Variants in SETD3 observed in about 807,000 individuals in gnomAD.
SETD3 encodes SET domain containing 3, actin N3(tau)-histidine methyltransferase.
Under a neutral mutation model 63.0 loss-of-function variants are expected in SETD3, and 19 were observed. The observed-to-expected ratio is 0.30, with a 90% CI of 0.21 to 0.44. The LOEUF is 0.44. Ranked by LOEUF, SETD3 falls within the 20% of genes least tolerant of loss-of-function variation. SETD3 has a pLI of 1.00. For synonymous variants in SETD3, 286 were observed against 264.1 expected (o/e 1.08, Z -0.80); for missense variants, 587 against 728.5 (o/e 0.81, Z 2.24).
chr14:99,436,658 T>C (rs1021449310), intron 6 of SETD3, among the ~76,000 whole-genome samples: 28 of 152,166 alleles, frequency 1.8e-4, no homozygotes, highest in African/African-American at 5.5e-4. Context: ...GTTCTTATGG[T>C]GCTTTTAATT....
chr14:99,466,663 G>A (rs1895401165), intron 1 of SETD3, among the ~76,000 whole-genome samples: 1 of 151,944 alleles, frequency 6.6e-6, no homozygotes, highest in African/African-American at 2.4e-5. Context: ...GACTAGAAGC[G>A]TGAGGGAAGC....
At position 99,398,598 on chromosome 14, in the gene SETD3, T is replaced by C; in HGVS notation, c.*81A>G. The C allele has an allele frequency of 7.6e-7, 1 of 1,320,072 alleles. No individual in the cohort carries two copies. Among genetic ancestry groups the C allele is most frequent in the Non-Finnish European group, 1.0e-6 (1 of 956,074 alleles). 81.8% of individuals were successfully genotyped at this position (1,320,072 alleles called of 1,614,324 possible). ...CTTCCTCTCTGCAGAAAGAAAAATGTTAACAAGGAAACACAGCGATGTGAA... is the reference window on the plus strand; with the variant it reads ...CTTCCTCTCTGCAGAAAGAAAAATGCTAACAAGGAAACACAGCGATGTGAA... On this transcript the variant is annotated 3_prime_UTR_variant, in exon 13 of 13. Coordinates refer to ENST00000331768, the MANE Select transcript of SETD3 (RefSeq NM_032233.3).
chr14:99,466,606 T>G (rs1167823470), intron 1 of SETD3, among the ~76,000 whole-genome samples: 1 of 59,844 alleles, frequency 1.7e-5, no homozygotes, highest in Non-Finnish European at 3.2e-5. Flanking sequence ...GACATGGATG[T>G]GTGAAGAATG....
chr14:99,442,382 G>T (rs537581249), intron 6 of SETD3, among the ~76,000 whole-genome samples: 13 of 152,202 alleles, frequency 8.5e-5, no homozygotes, highest in Non-Finnish European at 1.6e-4. Context: ...ATGAAGGAAA[G>T]TCCTTGTCCT....
chr14:99,458,238 AC>A, intron 6 of SETD3, 40 bp downstream of exon 6: 1 of 1,579,350 alleles, frequency 6.3e-7, no homozygotes, highest in Non-Finnish European at 8.6e-7. Context: ...TTTCCTCCCC[AC>A]TCTGTGAAAT....
At chr14:99,473,115 C>A (rs1895791536) in intron 1 of SETD3, among the ~76,000 whole-genome samples, 1 of 152,188 alleles carries the variant, frequency 6.6e-6, no homozygotes, top group African/African-American at 2.4e-5. Context: ...CTTTAGAAGA[C>A]AGAGAAATGA....
intron 8 of SETD3, 88 bp from the exon 9 acceptor site, chr14:99,406,678 GA>G: frequency 1.5e-6 from 2 of 1,303,636 alleles, no homozygotes; most frequent in Non-Finnish European, 2.2e-6. Flanking sequence ...GCAATCAGAG[GA>G]AAAAGGGGAT....
intron 11 of SETD3, among the ~76,000 whole-genome samples, chr14:99,401,138 CAAA>C (rs34590578): frequency 6.6e-5 from 6 of 90,676 alleles, no homozygotes; most frequent in Non-Finnish European, 9.7e-5. Context: ...GACCCTGTCT[CAAA>C]AAAAAAAAAA....
chr14:99,437,924 C>G (rs1893580952), intron 6 of SETD3, among the ~76,000 whole-genome samples: 2 of 152,290 alleles, frequency 1.3e-5, no homozygotes, highest in South Asian at 4.1e-4. Flanking sequence ...CTCAGGTCAG[C>G]CCACATGCCC....
rs374311109 is a variant in SETD3, at chr14:99,435,170, A to G, written c.676-21236T>C. The stretch of plus-strand genomic sequence containing the variant: ...GCCATGCATATTGTCATGTTTATTC[A>G]TAGACTATGAATAAACCTTATTTTA... On this transcript the variant is annotated intron_variant, in intron 6 of 12. Coordinates refer to ENST00000331768, the MANE Select transcript of SETD3 (RefSeq NM_032233.3). Among the ~76,000 whole-genome samples the G allele has an allele frequency of 5.3e-5, 8 of 152,280 alleles. No individual in the cohort carries two copies. The South Asian group carries it at 8.3e-4, about 16-fold the overall frequency.
chr14:99,461,833 G>A (rs1057230227), intron 3 of SETD3, among the ~76,000 whole-genome samples: 3 of 152,240 alleles, frequency 2.0e-5, no homozygotes, highest in Non-Finnish European at 4.4e-5. Context: ...AGAGCTGTAA[G>A]CCAGAAGGCT....
intron 10 of SETD3, among the ~76,000 whole-genome samples, 181 bp downstream of exon 10, chr14:99,405,024 T>C (rs1213147593): frequency 2.6e-5 from 4 of 152,242 alleles, no homozygotes; most frequent in Non-Finnish European, 5.9e-5. Context: ...CAATTATGTT[T>C]ACCTGAAAAC....
intron 6 of SETD3, among the ~76,000 whole-genome samples, chr14:99,424,931 G>T (rs1892797856): frequency 1.3e-5 from 2 of 152,072 alleles, no homozygotes; most frequent in African/African-American, 4.8e-5. Flanking sequence ...TGCACTAACT[G>T]TTATGGCACC....
chr14:99,413,213 T>C (rs1374285634), intron 7 of SETD3, 148 bp from the exon 8 acceptor site: 2 of 597,070 alleles, frequency 3.3e-6, no homozygotes, highest in Non-Finnish European at 6.0e-6. Flanking sequence ...GCCTTCATCA[T>C]CATTTAAAAA....
At chr14:99,460,441 T>A (rs1595252298) in intron 4 of SETD3, among the ~76,000 whole-genome samples, 2 of 151,774 alleles carry the variant, frequency 1.3e-5, no homozygotes, top group Admixed American at 1.3e-4. Context: ...CAGAGCTGGA[T>A]CCCCACCGCC....
chr14:99,405,745 C>T (rs1336828102), intron 9 of SETD3, among the ~76,000 whole-genome samples: 1 of 152,188 alleles, frequency 6.6e-6, no homozygotes, highest in African/African-American at 2.4e-5. Flanking sequence ...TTTTAAAATT[C>T]ACCAAGTTCT....
intron 6 of SETD3, among the ~76,000 whole-genome samples, chr14:99,451,817 A>ATC (rs1315160822): frequency 6.6e-6 from 1 of 151,882 alleles, no homozygotes; most frequent in African/African-American, 2.4e-5. Context: ...CAGGTGCTGT[A>ATC]TCTTAATACA....
chr14:99,433,463 A>C (rs1248836144), intron 6 of SETD3, among the ~76,000 whole-genome samples: 1 of 151,556 alleles, frequency 6.6e-6, no homozygotes, highest in Non-Finnish European at 1.5e-5. Context: ...TTTGAGATGG[A>C]GTCTCACTCT....
At chr14:99,420,561 G>C (rs992948384) in intron 6 of SETD3, among the ~76,000 whole-genome samples, 2 of 152,008 alleles carry the variant, frequency 1.3e-5, no homozygotes, top group African/African-American at 4.8e-5. Flanking sequence ...CAGCCCATGT[G>C]GGCACCCCTG....
Sources: allele counts gnomAD v4.1 joint callset (sites outside exome capture counted in the v4.1 genomes callset), GRCh38; gene constraint gnomAD v4.1.1; transcripts MANE v1.5; gene names NCBI Gene and HGNC (gene_info 2026-07-23, HGNC 2026-07-21).